Variants in MSI2 observed in about 807,000 individuals in gnomAD.
MSI2 encodes musashi RNA binding protein 2.
MSI2 carries 17 observed loss-of-function variants against 45.6 expected under a neutral mutation model. The observed-to-expected ratio is 0.37, with a 90% CI of 0.26 to 0.56. MSI2 has a LOEUF of 0.56. Ranked by LOEUF, MSI2 falls within the 20% of genes least tolerant of loss-of-function variation. The probability of loss-of-function intolerance (pLI) is 0.77; values close to 1 mark genes in which losing one functional copy is unlikely to be tolerated. For missense variants in MSI2, 293 were observed against 444.2 expected, an observed-to-expected ratio of 0.66 and a Z score of 3.06; for synonymous variants, 156 against 158.2, an observed-to-expected ratio of 0.99 and a Z score of 0.11.
Position 57,683,101 on chromosome 17 carries a change from T to C in MSI2, c.*3584T>C. The C allele has an allele frequency of 4.4e-6, 1 of 229,570 alleles. No homozygotes were observed. Among genetic ancestry groups the C allele is most frequent in the East Asian group, 6.2e-5 (1 of 16,124 alleles). The allele number at this position is 229,570 out of a possible 1,614,324, so 14.2% of individuals were successfully genotyped here. A position where few individuals can be genotyped will look rare whatever the true frequency, so the allele number is the denominator to read the frequency against. ...CCAGCAGGCCTTTGCGTTTTTATCC[T>C]TCATAACCTTCATCTTAATTTGAAC... is the stretch of plus-strand genomic sequence containing the variant. On this transcript the variant is annotated 3_prime_UTR_variant, in exon 14 of 14. Coordinates refer to ENST00000284073, the MANE Select transcript of MSI2 (RefSeq NM_138962.4). The surrounding 1 kb of genome is among the most constrained non-coding windows in gnomAD (Gnocchi z 5.2).
intron 6 of MSI2, among the ~76,000 whole-genome samples, chr17:57,436,761 T>C (rs2084698691): frequency 1.3e-5 from 2 of 152,210 alleles, no homozygotes; most frequent in Admixed American, 1.3e-4. Context: ...ATCATTAATA[T>C]CATAAAAGTT....
intron 10 of MSI2, chr17:57,628,229 T>C (rs1157623750): frequency 6.6e-6 from 1 of 152,292 alleles, no homozygotes; most frequent in East Asian, 1.9e-4. Context: ...AGGCGGAGTT[T>C]CACCCCTGCC....
chr17:57,298,862 G>T (rs1054376919), intron 5 of MSI2, among the ~76,000 whole-genome samples: 1 of 152,166 alleles, frequency 6.6e-6, no homozygotes, highest in African/African-American at 2.4e-5. Flanking sequence ...CCAGCCATTG[G>T]CTTCTCCTCT....
At chr17:57,599,942 T>A (rs911492813) in intron 8 of MSI2, among the ~76,000 whole-genome samples, 2 of 152,184 alleles carry the variant, frequency 1.3e-5, no homozygotes, top group East Asian at 1.9e-4. Context: ...TCTCTTGCCA[T>A]TATCCTTGCC....
intron 5 of MSI2, among the ~76,000 whole-genome samples, chr17:57,338,857 C>T (rs768582778): frequency 6.6e-6 from 1 of 152,148 alleles, no homozygotes; most frequent in East Asian, 1.9e-4. Flanking sequence ...AAGGGCCCCA[C>T]CCCTGAGTTC....
intron 6 of MSI2, among the ~76,000 whole-genome samples, chr17:57,490,190 G>A (rs1023721578): frequency 1.3e-5 from 2 of 152,180 alleles, no homozygotes; most frequent in African/African-American, 2.4e-5. Flanking sequence ...AGGTGAAATC[G>A]TGGATGTATG....
chr17:57,426,479 C>T (rs2084494683), intron 6 of MSI2, among the ~76,000 whole-genome samples: 2 of 152,246 alleles, frequency 1.3e-5, no homozygotes, highest in South Asian at 4.1e-4. Context: ...ACCCAGTACC[C>T]ATTTTGGGAT....
intron 5 of MSI2, among the ~76,000 whole-genome samples, chr17:57,306,741 G>A (rs1911949126): frequency 6.6e-6 from 1 of 152,026 alleles, no homozygotes; most frequent in African/African-American, 2.4e-5. Context: ...TTGTTTGTTT[G>A]TTTATTTATT....
intron 6 of MSI2, among the ~76,000 whole-genome samples, chr17:57,475,718 T>C (rs901538064): frequency 2.0e-5 from 3 of 152,136 alleles, no homozygotes; most frequent in Non-Finnish European, 4.4e-5. Context: ...CTAGGATTCC[T>C]TGGGAGTCCT....
intron 5 of MSI2, chr17:57,264,246 A>G (rs936849265): frequency 6.6e-6 from 1 of 151,974 alleles, no homozygotes; most frequent in African/African-American, 2.4e-5. Context: ...AGGTCGTTTA[A>G]CTTCCTTGAA....
chr17:57,520,586 T>C (rs1046063604), intron 6 of MSI2, among the ~76,000 whole-genome samples: 1 of 152,208 alleles, frequency 6.6e-6, no homozygotes, highest in South Asian at 2.1e-4. Flanking sequence ...ACCCCAAAAA[T>C]GGTTAAAATG....
chr17:57,264,979 C>T (rs1907647412), intron 5 of MSI2: 1 of 152,266 alleles, frequency 6.6e-6, no homozygotes, highest in South Asian at 2.1e-4. Flanking sequence ...TCTGACCCCT[C>T]AGGCCATCTT....
Position 57,273,286 on chromosome 17 carries a change from G to T in MSI2, c.312+11094G>T, listed in dbSNP as rs941232163. 2.0e-5 allele frequency among the ~76,000 whole-genome samples: 3 copies of T among 151,988 alleles called. No homozygotes were observed. In the East Asian group the frequency reaches 5.8e-4, roughly 29 times the overall value. On this transcript the variant is annotated intron_variant, in intron 5 of 13. Transcript: ENST00000284073. Reference sequence around the variant, plus strand: ...ACAAATTTTGCATTTTTTCACTAGGGAGCCAGGTTCAGAACTTGTTTTCCT... The same window carrying T: ...ACAAATTTTGCATTTTTTCACTAGGTAGCCAGGTTCAGAACTTGTTTTCCT...
chr17:57,334,649 C>T (rs2143750755), intron 5 of MSI2, among the ~76,000 whole-genome samples: 1 of 152,138 alleles, frequency 6.6e-6, no homozygotes, highest in South Asian at 2.1e-4. Flanking sequence ...CAAAAATTAG[C>T]CGGGCATGGT....
chr17:57,286,076 CTTCT>C lies in MSI2; in HGVS notation c.312+23890_312+23893del, dbSNP rs1017679250. The stretch of plus-strand genomic sequence containing the variant: ...CCTCTTTCTGTCTTTCCCTCCCTTC[CTTCT>C]TTCTTCTTTATTTTTTCTTTCTTTC... On this transcript the variant is annotated intron_variant, in intron 5 of 13. Transcript: ENST00000284073. 1.3e-5 allele frequency: 13 copies of C among 1,038,648 alleles called. No individual in the cohort carries two copies. In the African/African-American group the frequency reaches 1.6e-4, roughly 13 times the overall value. The allele number at this position is 1,038,648 out of a possible 1,614,324, so 64.3% of individuals were successfully genotyped here. A position where few individuals can be genotyped will look rare whatever the true frequency, so the allele number is the denominator to read the frequency against.
intron 5 of MSI2, among the ~76,000 whole-genome samples, chr17:57,383,426 G>A (rs1338139286): frequency 6.6e-6 from 1 of 152,234 alleles, no homozygotes; most frequent in Non-Finnish European, 1.5e-5. Flanking sequence ...GGAGGCCAAG[G>A]CGGGTGGATC....
intron 5 of MSI2, among the ~76,000 whole-genome samples, chr17:57,349,784 T>C (rs1158959280): frequency 1.3e-5 from 2 of 152,230 alleles, no homozygotes; most frequent in African/African-American, 4.8e-5. Context: ...ACATTAGTCA[T>C]GGTAAGCTTA....
At chr17:57,518,663 CT>C (rs983579844) in intron 6 of MSI2, among the ~76,000 whole-genome samples, 6 of 152,148 alleles carry the variant, frequency 3.9e-5, no homozygotes, top group African/African-American at 7.2e-5. Flanking sequence ...AGGCTTGGGC[CT>C]TTTTCATGGT....
chr17:57,597,602 G>A (rs916278083), intron 8 of MSI2, among the ~76,000 whole-genome samples: 1 of 151,832 alleles, frequency 6.6e-6, no homozygotes, highest in African/African-American at 2.4e-5. Context: ...CTCCAGCCTG[G>A]GCAACAAAGT....
Sources: allele counts gnomAD v4.1 joint callset (sites outside exome capture counted in the v4.1 genomes callset), GRCh38; gene constraint gnomAD v4.1.1; non-coding constraint Gnocchi (gnomAD v3.1); transcripts MANE v1.5; gene names NCBI Gene and HGNC (gene_info 2026-07-23, HGNC 2026-07-21).